DLGAP2: variants seen among roughly 807,000 people sequenced by gnomAD.
DLGAP2 encodes the protein DLG associated protein 2, also known as disks large-associated protein 2.
DLGAP2 carries 26 observed loss-of-function variants against 100.3 expected under a neutral mutation model. That is an observed-to-expected ratio of 0.26 (90% confidence interval 0.19 to 0.36). The LOEUF (loss-of-function observed/expected upper bound fraction) is 0.36. DLGAP2 is among the 10% of genes least tolerant of loss of function. DLGAP2 has a pLI of 1.00. For synonymous variants in DLGAP2, 886 were observed against 630.1 expected (o/e 1.41, Z -6.08); for missense variants, 1,858 against 1,453.2 (o/e 1.28, Z -4.53).
At chr8:1,478,213 C>T (rs1047314296) in intron 3 of DLGAP2, among the ~76,000 whole-genome samples, 3 of 152,184 alleles carry the variant, frequency 2.0e-5, no homozygotes, top group African/African-American at 7.2e-5. Context: ...TTTGTTTACT[C>T]CTCCTTCAGA....
chr8:1,692,998 A>G (rs1799291961), intron 13 of DLGAP2, among the ~76,000 whole-genome samples: 1 of 148,320 alleles, frequency 6.7e-6, no homozygotes, highest in Non-Finnish European at 1.5e-5. Flanking sequence ...TGTATACAAG[A>G]TTATAATCAT....
At chr8:1,526,173 C>A (rs959051216) in intron 4 of DLGAP2, among the ~76,000 whole-genome samples, 2 of 151,360 alleles carry the variant, frequency 1.3e-5, no homozygotes, top group Non-Finnish European at 2.9e-5. Context: ...GGCTTCAGTT[C>A]CTGAACGCTG....
At chr8:853,549 A>T (rs558774882) in intron 1 of DLGAP2, among the ~76,000 whole-genome samples, 8 of 152,146 alleles carry the variant, frequency 5.3e-5, no homozygotes, top group Non-Finnish European at 8.8e-5. Flanking sequence ...GATGAAGCCC[A>T]GGGCCAGACT....
chr8:767,641 C>T (rs997463751), intron 1 of DLGAP2, among the ~76,000 whole-genome samples: 1 of 152,142 alleles, frequency 6.6e-6, no homozygotes, highest in African/African-American at 2.4e-5. Flanking sequence ...AGGTACGAGC[C>T]ACCACGCCAG....
chr8:1,645,092 CTAAT>C (rs1265770226), intron 8 of DLGAP2, among the ~76,000 whole-genome samples: 3 of 152,158 alleles, frequency 2.0e-5, no homozygotes, highest in African/African-American at 4.8e-5. Flanking sequence ...GACCATGTCT[CTAAT>C]GAATGAATCA....
intron 3 of DLGAP2, among the ~76,000 whole-genome samples, chr8:1,455,053 G>T (rs1314660407): frequency 6.6e-6 from 1 of 152,238 alleles, no homozygotes; most frequent in African/African-American, 2.4e-5. Context: ...GATACCGGAT[G>T]CAAGGAAGGT....
chr8:761,961 T>C (rs537223804), intron 1 of DLGAP2, among the ~76,000 whole-genome samples: 1 of 152,140 alleles, frequency 6.6e-6, no homozygotes, highest in African/African-American at 2.4e-5. Flanking sequence ...TTTTCGCTTG[T>C]TTTTAAGAAA....
chr8:973,450 A>C (rs1181905014), intron 2 of DLGAP2, among the ~76,000 whole-genome samples: 2 of 151,400 alleles, frequency 1.3e-5, no homozygotes, highest in Non-Finnish European at 2.9e-5. Context: ...ACGGCCGGGC[A>C]GAGGCGCTCC....
chr8:1,188,665 G>C (rs2116722733), intron 2 of DLGAP2, among the ~76,000 whole-genome samples: 1 of 152,240 alleles, frequency 6.6e-6, no homozygotes, highest in Non-Finnish European at 1.5e-5. Context: ...CATCCGCCCA[G>C]CACTCCGGGG....
At chr8:825,708 T>G (rs1475700177) in intron 1 of DLGAP2, among the ~76,000 whole-genome samples, 1 of 152,188 alleles carries the variant, frequency 6.6e-6, no homozygotes, top group Admixed American at 6.5e-5. Context: ...AATTTTTAAT[T>G]ATTGTGGGTT....
At chr8:1,195,299 C>T (rs564197649) in intron 2 of DLGAP2, among the ~76,000 whole-genome samples, 3 of 152,288 alleles carry the variant, frequency 2.0e-5, no homozygotes, top group Non-Finnish European at 2.9e-5. Flanking sequence ...TTCCCTGCAC[C>T]CTCAGGAGCA....
At chr8:1,039,989 G>T (rs1338416622) in intron 2 of DLGAP2, among the ~76,000 whole-genome samples, 18 of 143,056 alleles carry the variant, frequency 1.3e-4, no homozygotes, top group African/African-American at 4.4e-4. Context: ...GGTGTGCATG[G>T]TCTGCTCAGT....
At chr8:1,205,599 T>G (rs1365593827) in intron 2 of DLGAP2, among the ~76,000 whole-genome samples, 2 of 152,164 alleles carry the variant, frequency 1.3e-5, no homozygotes, top group African/African-American at 4.8e-5. Context: ...CACCAAGAGC[T>G]GCCGCTGGGA....
intron 2 of DLGAP2, among the ~76,000 whole-genome samples, chr8:1,067,741 C>T (rs1803302094): frequency 6.6e-6 from 1 of 152,044 alleles, no homozygotes; most frequent in African/African-American, 2.4e-5. Flanking sequence ...CCACGCCCTC[C>T]CTCGTGACCC....
chr8:1,004,913 C>T (rs969229385), intron 2 of DLGAP2, among the ~76,000 whole-genome samples: 7 of 152,286 alleles, frequency 4.6e-5, no homozygotes, highest in South Asian at 2.1e-4. Context: ...CAGGAGGGGG[C>T]TGCTGTCCGG....
intron 12 of DLGAP2, among the ~76,000 whole-genome samples, chr8:1,683,308 G>A (rs1205775617): frequency 6.6e-6 from 1 of 151,550 alleles, no homozygotes; most frequent in Non-Finnish European, 1.5e-5. Context: ...TGACTGAAAA[G>A]GAGATTCAAG....
intron 3 of DLGAP2, among the ~76,000 whole-genome samples, chr8:1,355,550 A>G (rs1801828857): frequency 1.3e-5 from 2 of 152,000 alleles, no homozygotes; most frequent in Non-Finnish European, 2.9e-5. Context: ...TTTTTAGTAG[A>G]GGCGGGGTTT....
intron 3 of DLGAP2, among the ~76,000 whole-genome samples, chr8:1,263,052 G>A (rs1336897368): frequency 6.6e-6 from 1 of 152,018 alleles, no homozygotes; most frequent in South Asian, 2.1e-4. Context: ...TGTGTTATTT[G>A]CCCCCATTAA....
chr8:1,669,439 G>T (rs1417613752), intron 9 of DLGAP2, among the ~76,000 whole-genome samples: 1 of 152,246 alleles, frequency 6.6e-6, no homozygotes, highest in Non-Finnish European at 1.5e-5. Context: ...GGGTCAGGTA[G>T]CGCATCCCTC....
Sources: allele counts gnomAD v4.1 joint callset (sites outside exome capture counted in the v4.1 genomes callset), GRCh38; gene constraint gnomAD v4.1.1; transcripts MANE v1.5; gene names NCBI Gene and HGNC (gene_info 2026-07-23, HGNC 2026-07-21).